TULP3: variants seen among roughly 807,000 people sequenced by gnomAD.
The protein encoded by TULP3 is tubby-related protein 3.
In TULP3, 38 loss-of-function variants were observed where a neutral mutation model predicts 50.7. The ratio of observed to expected loss-of-function variants is 0.75; its 90% confidence interval spans 0.58 to 0.98. TULP3 has a LOEUF of 0.98. Ranked by LOEUF, TULP3 falls within the 50% of genes least tolerant of loss-of-function variation. The pLI, the probability that TULP3 is intolerant of heterozygous loss-of-function variation, is 0.00. For missense variants in TULP3, 550 were observed against 568.0 expected, an observed-to-expected ratio of 0.97 and a Z score of 0.32; for synonymous variants, 183 against 196.6, an observed-to-expected ratio of 0.93 and a Z score of 0.58.
At chr12:2,933,262 G>A (rs1397766378) in intron 6 of TULP3, among the ~76,000 whole-genome samples, 156 bp from the exon 7 acceptor site, 1 of 152,170 alleles carries the variant, frequency 6.6e-6, no homozygotes, top group African/African-American at 2.4e-5. Context: ...TCTGATAAGA[G>A]AGTTAGAGAA....
intron 5 of TULP3, among the ~76,000 whole-genome samples, chr12:2,930,576 A>G (rs555211989): frequency 9.2e-5 from 14 of 152,192 alleles, no homozygotes; most frequent in Admixed American, 4.6e-4. Flanking sequence ...GGCGCCCGCC[A>G]TGACACCCGG....
chr12:2,892,720 C>T (rs774381429), intron 1 of TULP3, among the ~76,000 whole-genome samples: 3 of 152,034 alleles, frequency 2.0e-5, no homozygotes, highest in Non-Finnish European at 4.4e-5. Context: ...CCATGTTGGC[C>T]AAGATGGTCT....
intron 1 of TULP3, among the ~76,000 whole-genome samples, chr12:2,907,996 T>C (rs2098183350): frequency 6.6e-6 from 1 of 152,134 alleles, no homozygotes; most frequent in African/African-American, 2.4e-5. Context: ...GAGAGGCATG[T>C]CAGAAAATCA....
At chr12:2,896,768 T>C (rs1277992201) in intron 1 of TULP3, among the ~76,000 whole-genome samples, 1 of 152,190 alleles carries the variant, frequency 6.6e-6, no homozygotes, top group East Asian at 1.9e-4. Context: ...GGAGTTCACC[T>C]CCTTTCTCCC....
intron 2 of TULP3, among the ~76,000 whole-genome samples, chr12:2,915,190 A>C (rs1244097615): frequency 6.6e-6 from 1 of 151,690 alleles, no homozygotes; most frequent in Non-Finnish European, 1.5e-5. Context: ...GGGTTTTGCC[A>C]TGTTTGTCAG....
At chr12:2,922,460 CCTTT>C in intron 4 of TULP3, 58 bp downstream of exon 4, 2 of 1,570,342 alleles carry the variant, frequency 1.3e-6, no homozygotes, top group Non-Finnish European at 1.7e-6. Context: ...GTAATCTTTT[CCTTT>C]CTTTTCATTG....
intron 2 of TULP3, among the ~76,000 whole-genome samples, chr12:2,916,268 C>T (rs191768149): frequency 2.0e-5 from 3 of 152,260 alleles, no homozygotes; most frequent in Non-Finnish European, 4.4e-5. Context: ...TCCCAAAGTG[C>T]TGGGATTACA....
chr12:2,902,187 A>G (rs865791469), intron 1 of TULP3, among the ~76,000 whole-genome samples: 5 of 152,322 alleles, frequency 3.3e-5, no homozygotes, highest in East Asian at 3.8e-4. Context: ...TAAATTGCCA[A>G]GTTGTCCTCT....
intron 3 of TULP3, among the ~76,000 whole-genome samples, chr12:2,921,995 A>T (rs11612237): frequency 6.6e-6 from 1 of 152,072 alleles, no homozygotes; most frequent in Non-Finnish European, 1.5e-5. Flanking sequence ...AAGTGGGAGG[A>T]TCGTTTGAGC....
chr12:2,915,368 T>G (rs535850748), intron 2 of TULP3, among the ~76,000 whole-genome samples: 3 of 152,182 alleles, frequency 2.0e-5, no homozygotes, highest in Non-Finnish European at 4.4e-5. Flanking sequence ...TTTCGTCTGA[T>G]GAAAATGGAT....
At position 2,939,768 on chromosome 12, in the gene TULP3, A is replaced by G. The variant is rs561662966; in HGVS notation, c.*324A>G. On this transcript the variant is annotated 3_prime_UTR_variant, in exon 11 of 11. Transcript: ENST00000448120. The surrounding 1 kb of genome is among the most constrained non-coding windows in gnomAD (Gnocchi z 4.0). ...ATAAAACACACACACGAAGAGCAAT[A>G]GTTTGCCCCTTTTGGAACGACCCCT... is the stretch of plus-strand genomic sequence containing the variant. 2.5e-6 allele frequency: 3 copies of G among 1,219,702 alleles called. No individual in the cohort carries two copies. In the African/African-American group the frequency reaches 4.7e-5, roughly 19 times the overall value. 75.6% of individuals were successfully genotyped at this position (1,219,702 alleles called of 1,614,324 possible).
chr12:2,935,201 A>G (rs2098200381), intron 8 of TULP3, among the ~76,000 whole-genome samples: 1 of 152,072 alleles, frequency 6.6e-6, no homozygotes, highest in East Asian at 1.9e-4. Flanking sequence ...CCTCCTTCCC[A>G]TCATTCTAGC....
intron 2 of TULP3, among the ~76,000 whole-genome samples, chr12:2,915,138 G>A (rs2098187911): frequency 1.3e-5 from 2 of 151,890 alleles, no homozygotes; most frequent in East Asian, 1.9e-4. Flanking sequence ...ACAGGCAGAC[G>A]CCACCATGCC....
At chr12:2,907,343 C>T (rs891888547) in intron 1 of TULP3, among the ~76,000 whole-genome samples, 3 of 151,948 alleles carry the variant, frequency 2.0e-5, no homozygotes, top group Admixed American at 6.6e-5. Context: ...GGTGTAGCAA[C>T]GTGCACCTAT....
rs2098197858 is a variant in TULP3 at position 2,931,201 on chromosome 12, C to T, written c.657C>T (p.Pro219=). The change falls in exon 6 of 11, where the codon CCC becomes CCT. Residue 219 remains proline, a synonymous_variant. Transcript: ENST00000448120. ...GGGGAATGGATCGGGGTCTCTTCCC[C>T]ACCTACTATATGTACTTGGAAAAAG... ...DKRGMDRGLF[P]TYYMYLEKEE... 1.2e-6 allele frequency: 2 copies of T among 1,614,062 alleles called. No individual in the cohort carries two copies. Among genetic ancestry groups the T allele is most frequent in the Middle Eastern group, 1.6e-4 (1 of 6,084 alleles).
At position 2,922,229 on chromosome 12, in the gene TULP3, C is replaced by CT. The variant is rs1179136826; in HGVS notation, c.254-27dup. The CT allele has an allele frequency of 2.5e-6, 4 of 1,602,468 alleles. No homozygotes were observed. The Admixed American group carries it at 5.3e-5, about 21-fold the overall frequency. ...CCAACTAGTGAATAATACTTTGCTCCTTTTTTAAAATTCATTTTATTTTGG... is the reference window on the plus strand; with the variant it reads ...CCAACTAGTGAATAATACTTTGCTCCTTTTTTTAAAATTCATTTTATTTTGG... On this transcript the variant is annotated intron_variant, in intron 3 of 10. Coordinates refer to ENST00000448120, the MANE Select transcript of TULP3 (RefSeq NM_003324.5).
At position 2,913,760 on chromosome 12, in the gene TULP3, G is replaced by A. The variant is rs563210662; in HGVS notation, c.93+4180G>A. Among the ~76,000 whole-genome samples, 35 of 152,102 alleles carry A rather than the reference G, an allele frequency of 2.3e-4. No individual in the cohort carries two copies. In the East Asian group the frequency reaches 6.8e-3, roughly 30 times the overall value. On this transcript the variant is annotated intron_variant, in intron 2 of 10. Coordinates refer to ENST00000448120, the MANE Select transcript of TULP3 (RefSeq NM_003324.5). ...TGAGTAGCTGGGATTACAGGCGTGC[G>A]CCACCACACCTGGCTAATTTTTGTA... is the stretch of plus-strand genomic sequence containing the variant.
chr12:2,916,562 C>T (rs1358265370), intron 2 of TULP3, among the ~76,000 whole-genome samples: 1 of 152,202 alleles, frequency 6.6e-6, no homozygotes, highest in Non-Finnish European at 1.5e-5. Flanking sequence ...TTTAGGGCAT[C>T]TAACCATCAG....
At chr12:2,922,173 T>G in intron 3 of TULP3, 89 bp from the exon 4 acceptor site, 1 of 1,470,492 alleles carries the variant, frequency 6.8e-7, no homozygotes, top group Non-Finnish European at 9.2e-7. Flanking sequence ...ATTTGGTAGT[T>G]CTTAATTCTG....
Sources: gnomAD v4.1 joint callset for allele counts (sites outside exome capture counted in the v4.1 genomes callset) on GRCh38, gnomAD v4.1.1 for gene constraint, Gnocchi (gnomAD v3.1) non-coding constraint, MANE v1.5 for transcripts, NCBI Gene and HGNC (gene_info 2026-07-23, HGNC 2026-07-21) for gene names.